Variants in NT5DC4 observed in about 807,000 individuals in gnomAD.
NT5DC4 encodes the protein 5'-nucleotidase domain containing 4.
Under a neutral mutation model 26.6 loss-of-function variants are expected in NT5DC4, and 44 were observed. That is an observed-to-expected ratio of 1.65 (90% CI 1.30 to 2.13). The LOEUF is 2.13. NT5DC4 is among the 30% of genes most tolerant of loss of function. NT5DC4 has a pLI of 0.00. For synonymous variants in NT5DC4, 157 were observed against 86.7 expected (o/e 1.81, Z -4.51); for missense variants, 399 against 228.1 (o/e 1.75, Z -4.83).
At chr2:112,733,826 G>T (rs547735932) in intron 16 of NT5DC4, among the ~76,000 whole-genome samples, 7 of 152,246 alleles carry the variant, frequency 4.6e-5, no homozygotes, top group African/African-American at 1.7e-4. Flanking sequence ...GTGAACTAGT[G>T]GTAAAAATGT....
downstream of NT5DC4, chr2:112,742,491 G>A (rs1680042892): frequency 7.0e-6 from 5 of 718,270 alleles, no homozygotes; most frequent in East Asian, 2.7e-5. Flanking sequence ...GGCTGTTTTG[G>A]TGGAAACAAC....
At chr2:112,719,147 AC>A, upstream of NT5DC4, among the ~76,000 whole-genome samples, 1 of 152,336 alleles carries the variant, frequency 6.6e-6, no homozygotes, top group African/African-American at 2.4e-5. Flanking sequence ...GCTGCAGGGT[AC>A]AGCCTATTTC....
chr2:112,741,123 C>T (rs1398186105), downstream of NT5DC4: 1 of 710,738 alleles, frequency 1.4e-6, no homozygotes, highest in Non-Finnish European at 2.4e-6. Flanking sequence ...TTCATGGGCT[C>T]CACATACTGA....
intron 11 of NT5DC4, 85 bp downstream of exon 11, chr2:112,724,991 C>A: frequency 1.5e-6 from 1 of 681,886 alleles, no homozygotes; most frequent in South Asian, 1.6e-5. Context: ...TAGCTGGCAG[C>A]TCTGCTGGCC....
chr2:112,724,499 T>C, intron 10 of NT5DC4: 1 of 571,924 alleles, frequency 1.7e-6, no homozygotes, highest in East Asian at 2.9e-5. Flanking sequence ...GTAGCCGTGC[T>C]GGTGCCACCT....
downstream of NT5DC4, among the ~76,000 whole-genome samples, chr2:112,741,909 C>T (rs543293285): frequency 3.3e-5 from 5 of 150,946 alleles, no homozygotes; most frequent in African/African-American, 1.2e-4. Context: ...TACAAGCACG[C>T]ACCACCACAA....
upstream of NT5DC4, among the ~76,000 whole-genome samples, chr2:112,719,885 CT>C (rs1676672812): frequency 1.3e-5 from 1 of 79,274 alleles, no homozygotes; most frequent in African/African-American, 4.9e-5. Context: ...CTCTTTCTTT[CT>C]TTCCTTTCTT....
upstream of NT5DC4, among the ~76,000 whole-genome samples, chr2:112,719,938 C>CTTTCTTTCTT (rs1342422006): frequency 3.6e-5 from 3 of 83,600 alleles, no homozygotes; most frequent in Non-Finnish European, 6.8e-5. Context: ...TTCTTTCTTT[C>CTTTCTTTCTT]TTTCTTTCTT....
chr2:112,730,310 C>A (rs1200350379), intron 16 of NT5DC4, among the ~76,000 whole-genome samples: 456 of 76,134 alleles, frequency 6.0e-3, no homozygotes, highest in South Asian at 0.011. Flanking sequence ...AAGACTGTCT[C>A]AAAAAAAAAA....
chr2:112,719,964 TTCTTTCTTTC>T (rs1483507922), upstream of NT5DC4, among the ~76,000 whole-genome samples: 185 of 126,464 alleles, frequency 1.5e-3, 2 homozygotes, highest in Non-Finnish European at 1.5e-3. Context: ...CTTTCTTTCT[TTCTTTCTTTC>T]TTTCTTTCTT....
In NT5DC4 at chr2:112,725,395, G is replaced by C. The variant is rs1464814722; in HGVS notation, c.996G>C (p.Met332Ile). Reference sequence around the variant, plus strand: ...TTGGTGGGGCAGGCTCTTCGGACATGGTGTGCGAGCTGCTTGGGGTTCGGG... The same window carrying C: ...TTGGTGGGGCAGGCTCTTCGGACATCGTGTGCGAGCTGCTTGGGGTTCGGG... ...CAVYSGGSSD[M>I]VCELLGVRGM... The change falls in exon 13 of 17, where the codon ATG becomes ATC. Residue 332 changes from methionine (M) to isoleucine (I), a missense_variant. Physicochemically the swap from Met to Ile is conservative, Grantham distance 10 (BLOSUM62 1). Transcript: ENST00000688554. The C allele has an allele frequency of 3.4e-5, 24 of 709,948 alleles. No homozygotes were observed. In the Admixed American group the frequency reaches 4.8e-4, roughly 14 times the overall value. 44.0% of individuals were successfully genotyped at this position (709,948 alleles called of 1,614,324 possible).
rs1399908807 is a variant in NT5DC4, at chr2:112,726,260, A to T, written c.1176A>T (p.Arg392Ser). The T allele has an allele frequency of 2.8e-6, 2 of 716,584 alleles. No homozygotes were observed. The highest frequency in any genetic ancestry group is 5.2e-6 in the Non-Finnish European group (2 of 384,808). The allele number at this position is 716,584 out of a possible 1,614,324, so 44.4% of individuals were successfully genotyped here. The change falls in exon 14 of 17, where the codon AGA becomes AGT. Residue 392 changes from arginine to serine, a missense_variant. Transcript: ENST00000688554. ...CAGAGCGGTTGGAGGAGCTGAAGAGACTGGACACGCACCTGGCAGACATAT... is the reference window on the plus strand; with the variant it reads ...CAGAGCGGTTGGAGGAGCTGAAGAGTCTGGACACGCACCTGGCAGACATAT... ...QEKERLEELK[R>S]LDTHLADIYQ...
chr2:112,722,015 AC>A lies in NT5DC4; in HGVS notation c.180del (p.Phe61SerfsTer41). The A allele has an allele frequency of 2.8e-6, 2 of 717,212 alleles. No homozygotes were observed. The highest frequency in any genetic ancestry group is 4.6e-4 in the Middle Eastern group (2 of 4,372). 44.4% of individuals were successfully genotyped at this position (717,212 alleles called of 1,614,324 possible). ...CAAGTCCCCAGCTTATGAGGCCCTG[AC>A]CTTCGAGCTGCTGCTGGAGCGCCTG... ...AYKSPAYEAL[T>X]FELLLERLVC... On this transcript the variant is annotated frameshift_variant, in exon 3 of 17. Coordinates refer to ENST00000688554, the MANE Select transcript of NT5DC4 (RefSeq NM_001393655.1). LOFTEE classifies it high-confidence loss of function.
At chr2:112,720,121 A>G (rs1676757150), upstream of NT5DC4, among the ~76,000 whole-genome samples, 1 of 147,034 alleles carries the variant, frequency 6.8e-6, no homozygotes, top group Non-Finnish European at 1.5e-5. Flanking sequence ...GCTCATTGCA[A>G]CCTCCAACCC....
chr2:112,724,160 TG>T, intron 10 of NT5DC4, 34 bp downstream of exon 10: 1 of 716,686 alleles, frequency 1.4e-6, no homozygotes, highest in Non-Finnish European at 2.6e-6. Flanking sequence ...ACGGCTGGGG[TG>T]GGCTGTGCAA....
rs1185387681 is a variant in NT5DC4 at position 112,723,418 on chromosome 2, G to A, written c.622G>A (p.Gly208Ser). Residue 208 changes from glycine to serine, a missense_variant and splice_region_variant, in exon 8 of 17, where the codon GGC becomes AGC. Physicochemically the swap from Gly to Ser is moderately conservative, Grantham distance 56. Coordinates refer to ENST00000688554, the MANE Select transcript of NT5DC4 (RefSeq NM_001393655.1). ...TDAMNNIHQSGCLKKTLEDLE... is the reference protein window; with the variant it reads ...TDAMNNIHQSSCLKKTLEDLE... ...ACAGGCACTTTGCTCCCTCCTGCAGGGCTGTCTCAAGAAGACCCTGGAGGA... is the reference window on the plus strand; with the variant it reads ...ACAGGCACTTTGCTCCCTCCTGCAGAGCTGTCTCAAGAAGACCCTGGAGGA... 4.2e-6 allele frequency: 3 copies of A among 706,428 alleles called. No individual in the cohort carries two copies. The highest frequency in any genetic ancestry group is 7.9e-6 in the Non-Finnish European group (3 of 381,888). 43.8% of individuals were successfully genotyped at this position (706,428 alleles called of 1,614,324 possible).
chr2:112,738,647 A>G (rs1428994769), intron 16 of NT5DC4: 1 of 603,966 alleles, frequency 1.7e-6, no homozygotes, highest in Non-Finnish European at 2.9e-6. Flanking sequence ...CACATAAAGC[A>G]AAGATTTTCC....
chr2:112,726,332 G>A (rs549983402), intron 14 of NT5DC4, 43 bp downstream of exon 14: 10 of 716,892 alleles, frequency 1.4e-5, no homozygotes, highest in South Asian at 1.3e-4. Flanking sequence ...GGCAGGGAGA[G>A]GTATGGAGGG....
At position 112,721,133 on chromosome 2, in the gene NT5DC4, G is replaced by A. The variant is rs983231096; in HGVS notation, c.54G>A (p.Pro18=). 5.3e-5 allele frequency among the ~76,000 whole-genome samples: 8 copies of A among 152,338 alleles called. No homozygotes were observed. The highest frequency in any genetic ancestry group is 1.0e-4 in the Non-Finnish European group (7 of 68,020). Residue 18 remains proline (P), a synonymous_variant, in exon 1 of 17, where the codon CCG becomes CCA. Coordinates refer to ENST00000688554, the MANE Select transcript of NT5DC4 (RefSeq NM_001393655.1). ...AGGGACTGGTCTCCCCTCAAGGCCC[G>A]AAGCAGGACTGGCACCAGCGGTGAG... ...EPEGLVSPQG[P]KQDWHQRIFV... is the part of the protein sequence containing the mutation.
Sources: allele counts gnomAD v4.1 joint callset (sites outside exome capture counted in the v4.1 genomes callset), GRCh38; gene constraint gnomAD v4.1.1; transcripts MANE v1.5; gene names NCBI Gene and HGNC (gene_info 2026-07-23, HGNC 2026-07-21).